The following NTN1 variants were observed in gnomAD, a reference collection of about 807,000 sequenced individuals.
The protein encoded by NTN1 is netrin-1.
NTN1 carries 11 observed loss-of-function variants against 54.2 expected under a neutral mutation model. The ratio of observed to expected loss-of-function variants is 0.20; its 90% CI spans 0.13 to 0.34. NTN1 has a LOEUF of 0.34. Among genes scored for constraint, NTN1 ranks in the 10% least tolerant of loss-of-function variants. NTN1 has a pLI of 1.00. For missense variants in NTN1, 740 were observed against 893.1 expected (o/e 0.83, Z 2.18); for synonymous variants, 371 against 382.0 (o/e 0.97, Z 0.33).
intron 2 of NTN1, among the ~76,000 whole-genome samples, chr17:9,150,150 C>T (rs563642661): frequency 6.6e-5 from 10 of 152,220 alleles, no homozygotes; most frequent in Admixed American, 1.3e-4. Flanking sequence ...TTGCAGTGAG[C>T]CAAGATCACG....
At chr17:9,008,919 T>C in the NTN1 span, among the ~76,000 whole-genome samples, 4 of 152,288 alleles carry the variant, frequency 2.6e-5, no homozygotes, top group African/African-American at 9.6e-5. Context: ...TGGATGCCTG[T>C]AGTCCCAGCT....
chr17:9,200,794 G>T (rs1215045635), intron 5 of NTN1, among the ~76,000 whole-genome samples: 1 of 152,198 alleles, frequency 6.6e-6, no homozygotes, highest in Non-Finnish European at 1.5e-5. Context: ...ATCCTCAAGG[G>T]ACTGGTGTAC....
In NTN1 at chr17:9,182,945, G is replaced by C. The variant is rs1296568733; in HGVS notation, c.1387G>C (p.Ala463Pro). 2.5e-6 allele frequency: 4 copies of C among 1,614,016 alleles called. No individual in the cohort carries two copies. The highest frequency in any genetic ancestry group is 2.5e-6 in the Non-Finnish European group (3 of 1,179,988). Residue 463 changes from alanine (A) to proline (P), a missense_variant, in exon 5 of 7, where the codon GCC (alanine) becomes CCC (proline). Ala to Pro is a conservative substitution (Grantham distance 27). Transcript: ENST00000173229. ...CCCTGTAGCGCCGCCGACGACTGCAGCCAGCAGCGTGGAGGAGCCTGAAGG... is the reference window on the plus strand; with the variant it reads ...CCCTGTAGCGCCGCCGACGACTGCACCCAGCAGCGTGGAGGAGCCTGAAGG... ...KIPVAPPTTAASSVEEPEDCD... is the reference protein window; with the variant it reads ...KIPVAPPTTAPSSVEEPEDCD...
chr17:9,073,039 A>G (rs1354142344), intron 2 of NTN1, among the ~76,000 whole-genome samples: 2 of 152,226 alleles, frequency 1.3e-5, no homozygotes, highest in African/African-American at 4.8e-5. Context: ...CTTTTCTTCA[A>G]AGAGAAAGGG....
chr17:9,044,995 C>A (rs1384176949), intron 2 of NTN1, among the ~76,000 whole-genome samples: 2 of 152,186 alleles, frequency 1.3e-5, no homozygotes, highest in East Asian at 1.9e-4. Context: ...TGGATTATGA[C>A]CCCGGCCTCG....
chr17:9,118,607 A>G (rs1485920799), intron 2 of NTN1, among the ~76,000 whole-genome samples: 1 of 152,238 alleles, frequency 6.6e-6, no homozygotes, highest in African/African-American at 2.4e-5. Context: ...ACCCCAAAAT[A>G]AAACCCATAC....
chr17:9,143,458 C>T (rs956905444), intron 2 of NTN1, among the ~76,000 whole-genome samples: 15 of 137,622 alleles, frequency 1.1e-4, no homozygotes, highest in Admixed American at 2.2e-4. Flanking sequence ...TGCCCCTTCT[C>T]CAGCATCCTC....
At chr17:9,073,656 C>T (rs903826987) in intron 2 of NTN1, among the ~76,000 whole-genome samples, 16 of 152,236 alleles carry the variant, frequency 1.1e-4, no homozygotes, top group African/African-American at 3.9e-4. Context: ...CCTCTGCTTC[C>T]TTCCCTCCAG....
intron 5 of NTN1, among the ~76,000 whole-genome samples, chr17:9,190,450 A>G (rs1433263097): frequency 6.6e-6 from 1 of 152,234 alleles, no homozygotes; most frequent in African/African-American, 2.4e-5. Context: ...AAGAAGATTA[A>G]TGGAGGGTGA....
chr17:9,012,106 A>G, the NTN1 span, among the ~76,000 whole-genome samples: 2 of 152,194 alleles, frequency 1.3e-5, no homozygotes, highest in African/African-American at 2.4e-5. Context: ...AAAGGTATCT[A>G]AGATGGATCT....
chr17:9,236,585 A>G (rs985622455), intron 6 of NTN1, among the ~76,000 whole-genome samples: 2 of 152,140 alleles, frequency 1.3e-5, no homozygotes, highest in Non-Finnish European at 2.9e-5. Flanking sequence ...GAGTCCTACC[A>G]CTACCTGTCC....
chr17:9,004,725 C>G, the NTN1 span, among the ~76,000 whole-genome samples: 2 of 152,254 alleles, frequency 1.3e-5, no homozygotes, highest in African/African-American at 2.4e-5. Context: ...TGGATTTTCC[C>G]GTCTTCGGGG....
At chr17:9,197,374 G>A (rs879511736) in intron 5 of NTN1, among the ~76,000 whole-genome samples, 10 of 152,006 alleles carry the variant, frequency 6.6e-5, no homozygotes, top group Admixed American at 3.9e-4. Context: ...AATTCATGAC[G>A]TGGGCCAGGC....
At chr17:9,134,093 A>G (rs1043131781) in intron 2 of NTN1, among the ~76,000 whole-genome samples, 1 of 150,628 alleles carries the variant, frequency 6.6e-6, no homozygotes, top group African/African-American at 2.5e-5. Flanking sequence ...TTTAGTAGAG[A>G]CGAGGTTTCA....
intron 2 of NTN1, among the ~76,000 whole-genome samples, chr17:9,047,686 TCA>T (rs1567698082): frequency 6.6e-6 from 1 of 151,224 alleles, no homozygotes; most frequent in African/African-American, 2.4e-5. Flanking sequence ...CTCTCATGAA[TCA>T]CGAATTTTCT....
chr17:9,029,738 A>G (rs2091883077), intron 2 of NTN1, among the ~76,000 whole-genome samples: 1 of 152,256 alleles, frequency 6.6e-6, no homozygotes. Flanking sequence ...TCACGCCTGT[A>G]ATCCCAGCAC....
At chr17:9,235,113 C>T (rs1449388084) in intron 6 of NTN1, among the ~76,000 whole-genome samples, 1 of 152,044 alleles carries the variant, frequency 6.6e-6, no homozygotes, top group Non-Finnish European at 1.5e-5. Context: ...CAGGTGTCCA[C>T]CACCATGCCT....
intron 2 of NTN1, among the ~76,000 whole-genome samples, chr17:9,055,213 C>T (rs576008839): frequency 6.6e-6 from 1 of 152,338 alleles, no homozygotes; most frequent in South Asian, 2.1e-4. Context: ...CATTCATTCA[C>T]TTATTCATTC....
rs554824137 is a variant in NTN1 at position 9,211,366 on chromosome 17, C to T, written c.1412-9802C>T. Among the ~76,000 whole-genome samples, 14 of 152,302 alleles carry T rather than the reference C, an allele frequency of 9.2e-5. No homozygotes were observed. The highest frequency in any genetic ancestry group is 6.2e-4 in the South Asian group (3 of 4,824). On this transcript the variant is annotated intron_variant, in intron 5 of 6. Transcript: ENST00000173229. The surrounding 1 kb of genome is among the most constrained non-coding windows in gnomAD (Gnocchi z 4.4). The stretch of plus-strand genomic sequence containing the variant: ...TCTCCACCTGTGCCCCCTGCCCCCA[C>T]GCATTCCCTCCCAGTGTGCTCGGCT...
Sources: gnomAD v4.1 joint callset for allele counts (sites outside exome capture counted in the v4.1 genomes callset) on GRCh38, gnomAD v4.1.1 for gene constraint, Gnocchi (gnomAD v3.1) non-coding constraint, MANE v1.5 for transcripts, NCBI Gene and HGNC (gene_info 2026-07-23, HGNC 2026-07-21) for gene names.